The following TRIM37 variants were observed in gnomAD, a reference collection of about 807,000 sequenced individuals.
TRIM37 encodes the protein E3 ubiquitin-protein ligase TRIM37.
A neutral mutation model predicts 129.8 loss-of-function variants in TRIM37; 80 were observed. The ratio of observed to expected loss-of-function variants is 0.62; its 90% CI spans 0.51 to 0.74. The LOEUF is 0.74. TRIM37 is among the 30% of genes least tolerant of loss of function. The pLI is 0.00. For synonymous variants in TRIM37, 389 were observed against 387.1 expected (o/e 1.00, Z -0.06); for missense variants, 1,054 against 1,176.5 (o/e 0.90, Z 1.52).
chr17:59,079,718 G>T, intron 7 of TRIM37, 36 bp downstream of exon 7: 1 of 1,612,890 alleles, frequency 6.2e-7, no homozygotes. Flanking sequence ...GAAGCTGAAA[G>T]CACCAGGTAC....
the TRIM37 span, among the ~76,000 whole-genome samples, chr17:58,971,438 G>A: frequency 2.0e-5 from 3 of 152,182 alleles, no homozygotes; most frequent in Admixed American, 6.5e-5. Flanking sequence ...TGTCATTTTC[G>A]TATAGTAGGA....
chr17:59,081,964 A>ATAATAATAATAAT (rs1555688977), intron 5 of TRIM37, among the ~76,000 whole-genome samples: 125 of 87,138 alleles, frequency 1.4e-3, no homozygotes, highest in African/African-American at 6.0e-3. Context: ...AAAAAAAAAA[A>ATAATAATAATAAT]AATAATAATA....
intron 15 of TRIM37, among the ~76,000 whole-genome samples, chr17:59,048,832 T>C (rs1241252806): frequency 6.6e-6 from 1 of 152,144 alleles, no homozygotes; most frequent in Non-Finnish European, 1.5e-5. Flanking sequence ...CCTGACCTCA[T>C]GTGATCCACC....
rs531049059 is a variant in TRIM37 at position 59,054,395 on chromosome 17, G to A, written c.1199+2480C>T. On this transcript the variant is annotated intron_variant, in intron 13 of 23. Coordinates refer to ENST00000262294, the MANE Select transcript of TRIM37 (RefSeq NM_015294.6). ...CGGCTCACTGCAACATCTGCCTCCC[G>A]GACTCAAGCGATTCAACTGCCTCAG... is the stretch of plus-strand genomic sequence containing the variant. 5.9e-4 allele frequency among the ~76,000 whole-genome samples: 89 copies of A among 151,916 alleles called. 2 individuals carry two copies. The highest frequency in any genetic ancestry group is 1.0e-3 in the Non-Finnish European group (68 of 68,008).
intron 7 of TRIM37, among the ~76,000 whole-genome samples, chr17:59,077,087 C>A (rs2042873868): frequency 6.6e-6 from 1 of 151,782 alleles, no homozygotes; most frequent in South Asian, 2.1e-4. Flanking sequence ...GGCGCCCGGC[C>A]TTTATTTATT....
At chr17:59,091,421 ATAATATATATAATATTCT>A in intron 2 of TRIM37, 81 bp from the exon 3 acceptor site, 2 of 302,200 alleles carry the variant, frequency 6.6e-6, no homozygotes, top group African/African-American at 2.4e-5. Flanking sequence ...ATATTTATAT[ATAATATATATAATATTCT>A]TAATATATAT....
intron 13 of TRIM37, among the ~76,000 whole-genome samples, 171 bp downstream of exon 13, chr17:59,056,704 A>T (rs1214759468): frequency 8.2e-6 from 1 of 122,290 alleles, no homozygotes; most frequent in African/African-American, 3.1e-5. Context: ...CGACAGAGCG[A>T]GACTATGTCT....
At chr17:59,086,604 A>T (rs760122828) in intron 4 of TRIM37, among the ~76,000 whole-genome samples, 2 of 152,218 alleles carry the variant, frequency 1.3e-5, no homozygotes, top group Admixed American at 1.3e-4. Flanking sequence ...AAATACTTAC[A>T]TAAGTTTATA....
At chr17:59,017,228 G>T in intron 20 of TRIM37, 68 bp downstream of exon 20, 1 of 1,580,870 alleles carries the variant, frequency 6.3e-7, no homozygotes, top group Non-Finnish European at 8.7e-7. Flanking sequence ...AAAGCTCCAC[G>T]ATAACATCAA....
intron 8 of TRIM37, among the ~76,000 whole-genome samples, chr17:59,075,091 G>A (rs541740278): frequency 6.6e-6 from 1 of 152,228 alleles, no homozygotes; most frequent in Admixed American, 6.5e-5. Context: ...GATTTCTATG[G>A]AAATAGTTCT....
chr17:59,070,469 T>C (rs948233656), intron 9 of TRIM37, among the ~76,000 whole-genome samples: 2 of 152,326 alleles, frequency 1.3e-5, no homozygotes. Context: ...TAGTTCATTG[T>C]CATTTTCTCT....
downstream of TRIM37, among the ~76,000 whole-genome samples, chr17:58,997,715 G>T (rs1328773454): frequency 6.6e-6 from 1 of 152,046 alleles, no homozygotes; most frequent in Non-Finnish European, 1.5e-5. Context: ...AAAAGGAAAG[G>T]TTACAAAAAT....
At chr17:59,027,474 C>A (rs2145485945) in intron 19 of TRIM37, among the ~76,000 whole-genome samples, 1 of 152,286 alleles carries the variant, frequency 6.6e-6, no homozygotes, top group South Asian at 2.1e-4. Flanking sequence ...AATAGCACAT[C>A]CTTAAGAGAA....
At chr17:59,104,244 C>T (rs780652085) in intron 2 of TRIM37, 49 bp downstream of exon 2, 3 of 1,516,732 alleles carry the variant, frequency 2.0e-6, no homozygotes, top group African/African-American at 2.8e-5. Context: ...TTAATCCTTA[C>T]AATATATACT....
chr17:59,041,699 C>T, intron 17 of TRIM37, 114 bp downstream of exon 17: 2 of 773,470 alleles, frequency 2.6e-6, no homozygotes, highest in South Asian at 1.5e-5. Context: ...ATACCACTTC[C>T]AACACCATGA....
chr17:59,010,008 C>T (rs1033152245), intron 22 of TRIM37, among the ~76,000 whole-genome samples: 36 of 152,196 alleles, frequency 2.4e-4, no homozygotes, highest in Non-Finnish European at 4.4e-4. Flanking sequence ...TTAGTCTCCC[C>T]TGACACCTAA....
chr17:58,995,461 AAG>A (rs977021614), downstream of TRIM37, among the ~76,000 whole-genome samples: 6 of 152,244 alleles, frequency 3.9e-5, no homozygotes, highest in South Asian at 6.2e-4. Flanking sequence ...GCCAATCTGG[AAG>A]AGTTTCCAAT....
chr17:59,088,229 T>C, intron 4 of TRIM37, 62 bp downstream of exon 4: 1 of 1,002,360 alleles, frequency 1.0e-6, no homozygotes, highest in Non-Finnish European at 1.6e-6. Context: ...ACCAATATAG[T>C]GTCATTAAAC....
At chr17:59,076,825 G>A (rs2042849922) in intron 7 of TRIM37, among the ~76,000 whole-genome samples, 1 of 151,884 alleles carries the variant, frequency 6.6e-6, no homozygotes, top group Non-Finnish European at 1.5e-5. Context: ...TTTCACTCTT[G>A]TTGCCCAGGC....
Sources: gnomAD v4.1 joint callset for allele counts (sites outside exome capture counted in the v4.1 genomes callset) on GRCh38, gnomAD v4.1.1 for gene constraint, MANE v1.5 for transcripts, NCBI Gene and HGNC (gene_info 2026-07-23, HGNC 2026-07-21) for gene names.